The following DLG2 variants were observed in gnomAD, a reference collection of about 807,000 sequenced individuals.
The protein encoded by DLG2 is discs large MAGUK scaffold protein 2, also known as disks large homolog 2.
A neutral mutation model predicts 132.5 loss-of-function variants in DLG2; 45 were observed. That is an observed-to-expected ratio of 0.34 (90% CI 0.27 to 0.44). DLG2 has a LOEUF of 0.44. DLG2 is among the 20% of genes least tolerant of loss of function. DLG2 has a pLI of 1.00. For missense variants in DLG2, 1,045 were observed against 1,196.9 expected (o/e 0.87, Z 1.87); for synonymous variants, 424 against 419.6 (o/e 1.01, Z -0.13).
intron 15 of DLG2, among the ~76,000 whole-genome samples, chr11:83,907,065 T>C (rs772776879): frequency 2.0e-5 from 3 of 152,122 alleles, no homozygotes; most frequent in African/African-American, 4.8e-5. Context: ...GGAGATGGCA[T>C]TTGAAGATCT....
intron 6 of DLG2, among the ~76,000 whole-genome samples, chr11:85,062,607 A>C (rs1000650341): frequency 6.6e-6 from 1 of 151,792 alleles, no homozygotes; most frequent in Admixed American, 6.6e-5. Context: ...AGGGCAAAGA[A>C]AGACTTTTAA....
At chr11:85,010,390 T>C (rs536669885) in intron 6 of DLG2, among the ~76,000 whole-genome samples, 4 of 152,170 alleles carry the variant, frequency 2.6e-5, no homozygotes, top group Admixed American at 6.5e-5. Flanking sequence ...CTAAAGACCA[T>C]AAATAGCACA....
chr11:83,835,560 G>A (rs1394733927), intron 16 of DLG2, among the ~76,000 whole-genome samples: 1 of 152,182 alleles, frequency 6.6e-6, no homozygotes, highest in Non-Finnish European at 1.5e-5. Flanking sequence ...AGAAGAACTA[G>A]GAGGCCACTG....
chr11:84,785,789 C>T (rs2072775377), intron 6 of DLG2, among the ~76,000 whole-genome samples: 1 of 151,780 alleles, frequency 6.6e-6, no homozygotes, highest in Admixed American at 6.6e-5. Flanking sequence ...TATTGATGCT[C>T]AGATTGCCTT....
At chr11:84,972,242 G>T (rs759481332) in intron 6 of DLG2, among the ~76,000 whole-genome samples, 5 of 152,114 alleles carry the variant, frequency 3.3e-5, no homozygotes, top group Non-Finnish European at 5.9e-5. Context: ...GAGGCCTCAT[G>T]GTCATTGGGC....
At chr11:83,844,280 G>T (rs972185138) in intron 16 of DLG2, among the ~76,000 whole-genome samples, 2 of 151,818 alleles carry the variant, frequency 1.3e-5, no homozygotes, top group African/African-American at 4.8e-5. Flanking sequence ...GGTGGCTCAC[G>T]CCTGTAGTAA....
At chr11:84,093,352 C>T (rs2154172460) in intron 10 of DLG2, among the ~76,000 whole-genome samples, 1 of 152,276 alleles carries the variant, frequency 6.6e-6, no homozygotes, top group Admixed American at 6.5e-5. Context: ...CTCCTAGAGA[C>T]CATTCTCATT....
intron 6 of DLG2, among the ~76,000 whole-genome samples, chr11:85,061,727 A>G (rs1027689330): frequency 8.6e-5 from 13 of 151,930 alleles, no homozygotes; most frequent in African/African-American, 3.1e-4. Context: ...GTTATCCCAT[A>G]TATGTGTACT....
intron 12 of DLG2, among the ~76,000 whole-genome samples, chr11:83,979,673 G>C (rs1387765090): frequency 6.6e-6 from 1 of 152,138 alleles, no homozygotes; most frequent in Non-Finnish European, 1.5e-5. Flanking sequence ...CTATAACCCT[G>C]TCTAAGGGGA....
intron 7 of DLG2, among the ~76,000 whole-genome samples, chr11:84,357,127 C>A (rs2098618988): frequency 6.6e-6 from 1 of 151,934 alleles, no homozygotes; most frequent in Non-Finnish European, 1.5e-5. Flanking sequence ...GAGAAAGCCA[C>A]CAAAGGGCTA....
At chr11:84,715,693 A>C (rs966229078) in intron 6 of DLG2, among the ~76,000 whole-genome samples, 1 of 152,152 alleles carries the variant, frequency 6.6e-6, no homozygotes, top group East Asian at 1.9e-4. Context: ...TTGCAAATGT[A>C]AGGTTATCCT....
At chr11:85,333,898 T>C (rs987791149) in intron 3 of DLG2, among the ~76,000 whole-genome samples, 2 of 152,018 alleles carry the variant, frequency 1.3e-5, no homozygotes, top group Non-Finnish European at 2.9e-5. Context: ...GTTTTTTTTT[T>C]TCACTGTGTC....
At chr11:84,505,410 T>C (rs2099236242) in intron 7 of DLG2, among the ~76,000 whole-genome samples, 1 of 152,152 alleles carries the variant, frequency 6.6e-6, no homozygotes, top group Admixed American at 6.5e-5. Flanking sequence ...AGTTAGGCAA[T>C]CTGAGACTTA....
chr11:83,888,516 C>T (rs202018017), intron 15 of DLG2, among the ~76,000 whole-genome samples: 4,899 of 152,202 alleles, frequency 0.032, 197 homozygotes, highest in African/African-American at 0.091. Flanking sequence ...GTGAAAATTG[C>T]CATACTGCCC....
intron 21 of DLG2, among the ~76,000 whole-genome samples, chr11:83,496,301 A>C (rs2094146438): frequency 6.6e-6 from 1 of 151,894 alleles, no homozygotes; most frequent in African/African-American, 2.4e-5. Context: ...GCTAAAATTA[A>C]AGACTGACAA....
intron 6 of DLG2, among the ~76,000 whole-genome samples, chr11:85,046,889 GCGT>G (rs1254587865): frequency 6.6e-6 from 1 of 151,558 alleles, no homozygotes; most frequent in Non-Finnish European, 1.5e-5. Context: ...GAGTCACAAT[GCGT>G]CTTGGCATAT....
chr11:85,119,604 C>T (rs1331930213), intron 5 of DLG2, among the ~76,000 whole-genome samples: 3 of 151,870 alleles, frequency 2.0e-5, no homozygotes, highest in Non-Finnish European at 2.9e-5. Context: ...AATATTTTTT[C>T]ATTGGCAGAT....
intron 7 of DLG2, among the ~76,000 whole-genome samples, chr11:84,295,931 C>A (rs182619517): frequency 7.3e-4 from 111 of 152,272 alleles, no homozygotes; most frequent in Admixed American, 1.2e-3. Flanking sequence ...TTCTATCATA[C>A]AGTAATTTTA....
At chr11:85,116,609 C>T (rs1234608603) in intron 5 of DLG2, among the ~76,000 whole-genome samples, 1 of 151,670 alleles carries the variant, frequency 6.6e-6, no homozygotes, top group African/African-American at 2.4e-5. Flanking sequence ...CATGTAATTT[C>T]AGAGTGAGAT....
Sources: allele counts gnomAD v4.1 joint callset (sites outside exome capture counted in the v4.1 genomes callset), GRCh38; gene constraint gnomAD v4.1.1; transcripts MANE v1.5; gene names NCBI Gene and HGNC (gene_info 2026-07-23, HGNC 2026-07-21).